PRUNE2: variants seen among roughly 807,000 people sequenced by gnomAD.
PRUNE2 encodes the protein prune homolog 2 with BCH domain.
In PRUNE2, 164 loss-of-function variants were observed where a neutral mutation model predicts 252.0. That is an observed-to-expected ratio of 0.65 (90% confidence interval 0.57 to 0.74). PRUNE2 has a LOEUF of 0.74. Ranked by LOEUF, PRUNE2 falls within the 30% of genes least tolerant of loss-of-function variation. The pLI is 0.00. For synonymous variants in PRUNE2, 1,292 were observed against 1,350.2 expected, an observed-to-expected ratio of 0.96 and a Z score of 0.94; for missense variants, 3,495 against 3,711.0, an observed-to-expected ratio of 0.94 and a Z score of 1.51.
chr9:76,628,458 T>C lies in PRUNE2; in HGVS notation c.9149+734A>G, dbSNP rs148644286. ...GAAGAAACAGAGAAAGAGTTATTTC[T>C]TTCTATTTTCCTAGCATCATGCAGA... On this transcript the variant is annotated intron_variant, in intron 16 of 18. Transcript: ENST00000376718. Among the ~76,000 whole-genome samples the C allele has an allele frequency of 7.4e-4, 113 of 152,332 alleles. 1 individual carries two copies. The highest frequency in any genetic ancestry group is 2.6e-3 in the African/African-American group (107 of 41,568).
intron 9 of PRUNE2, among the ~76,000 whole-genome samples, chr9:76,701,474 G>C (rs571866810): frequency 2.0e-5 from 3 of 152,256 alleles, no homozygotes; most frequent in East Asian, 3.9e-4. Context: ...GGATCTCGGG[G>C]CATGTGCAAA....
rs750378086 is a variant in PRUNE2 at position 76,624,491 on chromosome 9, C to T, written c.9150-1G>A. The T allele has an allele frequency of 7.0e-7, 1 of 1,422,842 alleles. No homozygotes were observed. The highest frequency in any genetic ancestry group is 1.7e-5 in the South Asian group (1 of 57,488). 88.1% of individuals were successfully genotyped at this position (1,422,842 alleles called of 1,614,324 possible). A position where few individuals can be genotyped will look rare whatever the true frequency, so the allele number is the denominator to read the frequency against. ...TGCTTCCCTCAGTTCTTCATCCAGT[C>T]TGCAGGAGCAAAAATTATTGGTGTG... On this transcript the variant is annotated splice_acceptor_variant, in intron 16 of 18. Transcript: ENST00000376718. LOFTEE classifies it high-confidence loss of function.
intron 12 of PRUNE2, among the ~76,000 whole-genome samples, chr9:76,643,395 A>C (rs1843391470): frequency 6.6e-6 from 1 of 152,254 alleles, no homozygotes; most frequent in Admixed American, 6.5e-5. Context: ...CTATTTTCAA[A>C]AAGAAAACAA....
chr9:76,727,258 T>C (rs1236132367), intron 6 of PRUNE2, among the ~76,000 whole-genome samples: 1 of 152,154 alleles, frequency 6.6e-6, no homozygotes, highest in East Asian at 1.9e-4. Flanking sequence ...AGGAGACTCT[T>C]AGGAGCTTAC....
chr9:76,656,533 A>G (rs1351138660), intron 9 of PRUNE2, among the ~76,000 whole-genome samples: 1 of 152,206 alleles, frequency 6.6e-6, no homozygotes, highest in African/African-American at 2.4e-5. Context: ...CCAGGATGCA[A>G]GTCAAATCCC....
intron 4 of PRUNE2, among the ~76,000 whole-genome samples, chr9:76,839,578 GTGGTCTC>G (rs2059265846): frequency 6.6e-6 from 1 of 152,242 alleles, no homozygotes. Context: ...AGATGACGTG[GTGGTCTC>G]TAGGGGTAGA....
chr9:76,720,932 T>C lies in PRUNE2; in HGVS notation c.757-7211A>G, dbSNP rs912139805. ...ATCGAGACCACGGTGAAACCCCATC[T>C]CCACTAAAAATACAAAAAATTAGCC... is the stretch of plus-strand genomic sequence containing the variant. On this transcript the variant is annotated intron_variant, in intron 6 of 18. Coordinates refer to ENST00000376718, the MANE Select transcript of PRUNE2 (RefSeq NM_015225.3). Among the ~76,000 whole-genome samples the C allele has an allele frequency of 5.3e-5, 8 of 152,164 alleles. 1 individual carries two copies. Among genetic ancestry groups the C allele is most frequent in the Middle Eastern group, 6.8e-3 (2 of 294 alleles).
chr9:76,808,381 T>A (rs1295637331), intron 6 of PRUNE2, among the ~76,000 whole-genome samples: 2 of 152,232 alleles, frequency 1.3e-5, no homozygotes, highest in Non-Finnish European at 2.9e-5. Flanking sequence ...TAGGATATTG[T>A]GTGGGGATAT....
chr9:76,752,068 C>T (rs1346353859), intron 6 of PRUNE2, among the ~76,000 whole-genome samples: 2 of 149,474 alleles, frequency 1.3e-5, no homozygotes, highest in Non-Finnish European at 3.0e-5. Flanking sequence ...TTTAGATCAA[C>T]GACTGACTCA....
In PRUNE2 at chr9:76,709,936, C is replaced by T; in HGVS notation, c.2338G>A (p.Glu780Lys). 8 of 1,613,744 alleles carry T rather than the reference C, an allele frequency of 5.0e-6. No homozygotes were observed. Among genetic ancestry groups the T allele is most frequent in the Non-Finnish European group, 6.8e-6 (8 of 1,179,798 alleles). ...TCATCTGTAGGATTTCCCCAGGGCT[C>T]GGGCATGGCTGTGGGAGAGCGACCA... is the stretch of plus-strand genomic sequence containing the variant. ...HSGRSPTAMP[E>K]PWGNPTDDGE... Residue 780 changes from glutamate to lysine, a missense_variant, in exon 8 of 19, where the codon GAG becomes AAG. Coordinates refer to ENST00000376718, the MANE Select transcript of PRUNE2 (RefSeq NM_015225.3).
At chr9:76,626,091 T>C (rs1225769727) in intron 16 of PRUNE2, among the ~76,000 whole-genome samples, 1 of 152,218 alleles carries the variant, frequency 6.6e-6, no homozygotes, top group East Asian at 1.9e-4. Context: ...AAAGGTTATA[T>C]ATTGATTGAT....
At chr9:76,841,026 A>C (rs4745587) in intron 4 of PRUNE2, among the ~76,000 whole-genome samples, 2 of 151,860 alleles carry the variant, frequency 1.3e-5, no homozygotes, top group South Asian at 4.2e-4. Context: ...CAAGATGATC[A>C]AATAGGAACA....
At chr9:76,902,586 G>A (rs1013366046) in intron 1 of PRUNE2, among the ~76,000 whole-genome samples, 1 of 152,130 alleles carries the variant, frequency 6.6e-6, no homozygotes, top group African/African-American at 2.4e-5. Flanking sequence ...TTATCCTACT[G>A]TTATTATTGC....
chr9:76,642,235 G>T (rs1162413893), intron 12 of PRUNE2, among the ~76,000 whole-genome samples: 1 of 152,108 alleles, frequency 6.6e-6, no homozygotes, highest in Non-Finnish European at 1.5e-5. Flanking sequence ...TGTGAACAGT[G>T]GTGTTGAGAT....
chr9:76,806,952 G>A (rs1457963682), intron 6 of PRUNE2, among the ~76,000 whole-genome samples: 1 of 152,016 alleles, frequency 6.6e-6, no homozygotes, highest in Non-Finnish European at 1.5e-5. Flanking sequence ...AGGATCAGAA[G>A]CCGGTATGTG....
chr9:76,683,134 G>A (rs1318087868), intron 9 of PRUNE2, among the ~76,000 whole-genome samples: 7 of 152,168 alleles, frequency 4.6e-5, no homozygotes, highest in Non-Finnish European at 8.8e-5. Context: ...TTCCTTTCCC[G>A]TCAGAGACAG....
intron 6 of PRUNE2, among the ~76,000 whole-genome samples, chr9:76,743,586 G>T (rs2049844484): frequency 6.6e-6 from 1 of 152,026 alleles, no homozygotes; most frequent in Non-Finnish European, 1.5e-5. Flanking sequence ...GGACAGTCAT[G>T]TCCCAACCAA....
At chr9:76,626,124 T>C (rs1047762865) in intron 16 of PRUNE2, among the ~76,000 whole-genome samples, 2 of 152,226 alleles carry the variant, frequency 1.3e-5, no homozygotes, top group Admixed American at 6.5e-5. Context: ...TGTGACCAGA[T>C]GCTTGCAGGA....
chr9:76,763,224 A>C (rs2051932555), intron 6 of PRUNE2, among the ~76,000 whole-genome samples: 1 of 152,244 alleles, frequency 6.6e-6, no homozygotes, highest in African/African-American at 2.4e-5. Context: ...GATCTTGAGC[A>C]AGTTACTTAA....
Sources: allele counts gnomAD v4.1 joint callset (sites outside exome capture counted in the v4.1 genomes callset), GRCh38; gene constraint gnomAD v4.1.1; transcripts MANE v1.5; gene names NCBI Gene and HGNC (gene_info 2026-07-23, HGNC 2026-07-21).